The following FAIM2 variants were observed in gnomAD, a reference collection of about 807,000 sequenced individuals.
FAIM2 encodes protein lifeguard 2.
A neutral mutation model predicts 47.4 loss-of-function variants in FAIM2; 27 were observed. The ratio of observed to expected loss-of-function variants is 0.57; its 90% confidence interval spans 0.42 to 0.78. The LOEUF (loss-of-function observed/expected upper bound fraction) is 0.78. Among genes scored for constraint, FAIM2 ranks in the 30% least tolerant of loss-of-function variants. The pLI, the probability that FAIM2 is intolerant of heterozygous loss-of-function variation, is 0.00. For missense variants in FAIM2, 311 were observed against 389.4 expected (o/e 0.80, Z 1.69); for synonymous variants, 156 against 159.3 (o/e 0.98, Z 0.16).
At chr12:49,900,224 TG>T in intron 2 of FAIM2, 1 of 1,287,146 alleles carries the variant, frequency 7.8e-7, no homozygotes, top group Non-Finnish European at 1.0e-6. Flanking sequence ...GGATTTGTAG[TG>T]GGAGGTGTAG....
chr12:49,893,521 C>T (rs981925767), intron 5 of FAIM2, among the ~76,000 whole-genome samples: 2 of 152,268 alleles, frequency 1.3e-5, no homozygotes, highest in East Asian at 3.9e-4. Flanking sequence ...CCATCTGACC[C>T]GGAGCTTGGT....
chr12:49,903,587 C>A (rs894150463), intron 1 of FAIM2, among the ~76,000 whole-genome samples, 191 bp downstream of exon 1: 1 of 152,100 alleles, frequency 6.6e-6, no homozygotes, highest in African/African-American at 2.4e-5. Flanking sequence ...GGCGCGCCTG[C>A]GGGCAGGAAG....
At chr12:49,882,495 A>T (rs1186069596) in intron 11 of FAIM2, among the ~76,000 whole-genome samples, 6 of 152,100 alleles carry the variant, frequency 3.9e-5, no homozygotes, top group Non-Finnish European at 8.8e-5. Context: ...GCCCCAGGGG[A>T]GCTGCAGATG....
rs574821448 is a variant in FAIM2 at position 49,870,033 on chromosome 12, T to C, written c.*471A>G. On this transcript the variant is annotated 3_prime_UTR_variant, in exon 12 of 12. Transcript: ENST00000320634. ...CAGCTGTGTCCCCTACCCCCTTTCT[T>C]ACAAAGTGTCAATGCCTGACCTGGA... 1.9e-5 allele frequency: 3 copies of C among 154,054 alleles called. No homozygotes were observed. Among genetic ancestry groups the C allele is most frequent in the South Asian group, 4.1e-4 (2 of 4,928 alleles). 9.5% of individuals were successfully genotyped at this position (154,054 alleles called of 1,614,324 possible). A position where few individuals can be genotyped will look rare whatever the true frequency, so the allele number is the denominator to read the frequency against.
At chr12:49,889,673 C>A in intron 8 of FAIM2, 105 bp from the exon 9 acceptor site, 1 of 941,294 alleles carries the variant, frequency 1.1e-6, no homozygotes, top group South Asian at 1.5e-5. Flanking sequence ...CTTGGGATCC[C>A]TGGCCCCAGT....
intron 1 of FAIM2, among the ~76,000 whole-genome samples, chr12:49,903,217 A>G (rs1054545937): frequency 7.9e-5 from 12 of 152,240 alleles, no homozygotes; most frequent in Non-Finnish European, 1.6e-4. Context: ...CCTGGCCAAA[A>G]CCAAAACAAC....
rs1310631647 is a variant in FAIM2, at chr12:49,897,609, G to A, written c.316-26C>T. 5 of 1,588,292 alleles carry A rather than the reference G, an allele frequency of 3.1e-6. No homozygotes were observed. In the Admixed American group the frequency reaches 8.4e-5, roughly 27 times the overall value. ...CTGGGGGTGGGAGGGGTTCTACTCA[G>A]CTTGGGGGGCCCTGTTAGGGACCTG... is the stretch of plus-strand genomic sequence containing the variant. On this transcript the variant is annotated intron_variant, in intron 3 of 11. Transcript: ENST00000320634.
In FAIM2 at chr12:49,898,103, TGGA is replaced by T. The variant is rs1388573804; in HGVS notation, c.212-16_212-14del. 4.7e-5 allele frequency: 75 copies of T among 1,601,810 alleles called. No individual in the cohort carries two copies. Among genetic ancestry groups the T allele is most frequent in the Non-Finnish European group, 6.2e-5 (72 of 1,169,004 alleles). On this transcript the variant is annotated splice_polypyrimidine_tract_variant and intron_variant, in intron 2 of 11. Coordinates refer to ENST00000320634, the MANE Select transcript of FAIM2 (RefSeq NM_012306.4). ...CTGGAGCTGCTGCCTGTGTGGCACGTGGAGGAGGAGGACATGAGGGTTCCCCCT... is the reference window on the plus strand; with the variant it reads ...CTGGAGCTGCTGCCTGTGTGGCACGTGGAGGAGGACATGAGGGTTCCCCCT...
chr12:49,900,345 G>T (rs904860032), intron 2 of FAIM2: 1 of 548,626 alleles, frequency 1.8e-6, no homozygotes, highest in Non-Finnish European at 2.7e-6. Flanking sequence ...AGGGGGAGGG[G>T]CTGCTGAGGA....
intron 6 of FAIM2, 92 bp from the exon 7 acceptor site, chr12:49,890,814 C>G: frequency 1.9e-6 from 2 of 1,063,008 alleles, no homozygotes; most frequent in South Asian, 2.5e-5. Context: ...GGTCTCTGAC[C>G]AACCCCCTCC....
intron 6 of FAIM2, 41 bp from the exon 7 acceptor site, chr12:49,890,763 G>A: frequency 6.3e-7 from 1 of 1,586,706 alleles, no homozygotes; most frequent in Non-Finnish European, 8.7e-7. Context: ...CGTAGGGGGT[G>A]GGGGCAGTGG....
intron 10 of FAIM2, 22 bp from the exon 11 acceptor site, chr12:49,887,461 C>T: frequency 6.2e-7 from 1 of 1,606,608 alleles, no homozygotes; most frequent in Non-Finnish European, 8.5e-7. Flanking sequence ...GAAAAATGGG[C>T]TTAGGGACGA....
rs1387428391 is a variant in FAIM2 at position 49,876,079 on chromosome 12, G to A, written c.802-5426C>T. On this transcript the variant is annotated intron_variant, in intron 11 of 11. Transcript: ENST00000320634. Reference sequence around the variant, plus strand: ...GCCATGTGTGGTCATACGAGAAAGGGCATGAGTCCAGTATAATACAGTGCT... The same window carrying A: ...GCCATGTGTGGTCATACGAGAAAGGACATGAGTCCAGTATAATACAGTGCT... Among the ~76,000 whole-genome samples the A allele has an allele frequency of 2.6e-5, 4 of 152,204 alleles. No homozygotes were observed. In the East Asian group the frequency reaches 7.7e-4, roughly 29 times the overall value.
rs558371283 is a variant in FAIM2, at chr12:49,867,701, G to C, written c.*2803C>G. 2 of 152,294 alleles carry C rather than the reference G, an allele frequency of 1.3e-5. No individual in the cohort carries two copies. The highest frequency in any genetic ancestry group is 2.4e-5 in the African/African-American group (1 of 41,436). The allele number at this position is 152,294 out of a possible 1,614,324, so 9.4% of individuals were successfully genotyped here. ...CCCAGGCCAAAAATGTGAAGGGCCTGCAGACTCCCTTCCTCCTTTACAGCT... is the reference window on the plus strand; with the variant it reads ...CCCAGGCCAAAAATGTGAAGGGCCTCCAGACTCCCTTCCTCCTTTACAGCT... On this transcript the variant is annotated 3_prime_UTR_variant, in exon 12 of 12. Transcript: ENST00000320634.
At position 49,903,864 on chromosome 12, in the gene FAIM2, T is replaced by A; in HGVS notation, c.-72A>T. ...TGGGTAACCGCAGCCTGCCTGCGTCTCTTCCTTCCTCCGCGTGGGTTCTAG... is the reference window on the plus strand; with the variant it reads ...TGGGTAACCGCAGCCTGCCTGCGTCACTTCCTTCCTCCGCGTGGGTTCTAG... On this transcript the variant is annotated 5_prime_UTR_variant, in exon 1 of 12. Transcript: ENST00000320634. 7.0e-7 allele frequency: 1 copy of A among 1,436,656 alleles called. No individual in the cohort carries two copies. Among genetic ancestry groups the A allele is most frequent in the Non-Finnish European group, 9.3e-7 (1 of 1,074,300 alleles). 89.0% of individuals were successfully genotyped at this position (1,436,656 alleles called of 1,614,324 possible). A position where few individuals can be genotyped will look rare whatever the true frequency, so the allele number is the denominator to read the frequency against.
rs990221041 is a variant in FAIM2, at chr12:49,886,644, T to A, written c.801+742A>T. On this transcript the variant is annotated intron_variant, in intron 11 of 11. Transcript: ENST00000320634. The stretch of plus-strand genomic sequence containing the variant: ...CGCCCGCCACCACACCCGGCTAATT[T>A]TTTTTGTATTTTTAGTAAAGACGGG... Among the ~76,000 whole-genome samples, 156 of 152,054 alleles carry A rather than the reference T, an allele frequency of 1.0e-3. 1 individual carries two copies. The highest frequency in any genetic ancestry group is 0.01 in the Admixed American group (156 of 15,264).
Position 49,898,036 on chromosome 12 carries a change from G to C in FAIM2, c.266C>G (p.Thr89Ser), listed in dbSNP as rs367595603. Residue 89 changes from threonine (T) to serine (S), a missense_variant, in exon 3 of 12, where the codon ACC becomes AGC. Physicochemically the swap from Thr to Ser is moderately conservative, Grantham distance 58. Transcript: ENST00000320634. ...GFPTGDHELF[T>S]TFSWDDQKVR... ...TTTCTGGTCATCCCAGCTGAAAGTG[G>C]TGAAGAGCTCATGGTCTCCGGTGGG... 1.9e-6 allele frequency: 3 copies of C among 1,614,024 alleles called. No homozygotes were observed. Among genetic ancestry groups the C allele is most frequent in the African/African-American group, 2.7e-5 (2 of 74,926 alleles).
chr12:49,891,495 A>T (rs1946900060), intron 5 of FAIM2, among the ~76,000 whole-genome samples: 1 of 152,124 alleles, frequency 6.6e-6, no homozygotes, highest in South Asian at 2.1e-4. Flanking sequence ...TCATATCTTT[A>T]CTTTACTGCT....
In FAIM2 at chr12:49,885,696, C is replaced by T. The variant is rs965740942; in HGVS notation, c.801+1690G>A. On this transcript the variant is annotated intron_variant, in intron 11 of 11. Transcript: ENST00000320634. ...AGACCACATTGAGCCATTATCTTGC[C>T]GGGAAACCATGGACAAATCATTCCA... Among the ~76,000 whole-genome samples the T allele has an allele frequency of 4.6e-5, 7 of 152,102 alleles. No individual in the cohort carries two copies. In the East Asian group the frequency reaches 5.8e-4, roughly 13 times the overall value.
Sources: gnomAD v4.1 joint callset for allele counts (sites outside exome capture counted in the v4.1 genomes callset) on GRCh38, gnomAD v4.1.1 for gene constraint, MANE v1.5 for transcripts, NCBI Gene and HGNC (gene_info 2026-07-23, HGNC 2026-07-21) for gene names.